CFAP299: variants seen among roughly 807,000 people sequenced by gnomAD.
CFAP299 encodes cilia- and flagella-associated protein 299.
In CFAP299, 21 loss-of-function variants were observed where a neutral mutation model predicts 27.0. The observed-to-expected ratio is 0.78, with a 90% CI of 0.55 to 1.12. CFAP299 has a LOEUF of 1.12. Among genes scored for constraint, CFAP299 ranks in the 50% most tolerant of loss-of-function variants. The pLI is 0.00. For missense variants in CFAP299, 310 were observed against 276.6 expected (o/e 1.12, Z -0.86); for synonymous variants, 104 against 98.1 (o/e 1.06, Z -0.36).
intron 3 of CFAP299, among the ~76,000 whole-genome samples, chr4:80,704,810 T>C (rs1721726552): frequency 6.6e-6 from 1 of 151,864 alleles, no homozygotes; most frequent in South Asian, 2.1e-4. Context: ...CAGACAATTC[T>C]AATGTTTTCT....
intron 3 of CFAP299, among the ~76,000 whole-genome samples, chr4:80,753,990 C>T (rs928583704): frequency 6.6e-6 from 1 of 152,104 alleles, no homozygotes; most frequent in Non-Finnish European, 1.5e-5. Context: ...ACTGTTATAT[C>T]TGAGTCTGCT....
chr4:80,771,667 G>T (rs752076823), intron 3 of CFAP299, among the ~76,000 whole-genome samples: 3 of 152,156 alleles, frequency 2.0e-5, no homozygotes, highest in Non-Finnish European at 4.4e-5. Flanking sequence ...GGGGACCCAT[G>T]CTCCTTCTAT....
intron 4 of CFAP299, among the ~76,000 whole-genome samples, chr4:80,931,662 C>T (rs1406665128): frequency 1.3e-5 from 2 of 151,980 alleles, no homozygotes; most frequent in Non-Finnish European, 2.9e-5. Context: ...CACAGGGAGG[C>T]TTTATTTCAA....
intron 3 of CFAP299, among the ~76,000 whole-genome samples, chr4:80,862,336 C>T (rs181613155): frequency 1.3e-5 from 2 of 152,138 alleles, no homozygotes; most frequent in Non-Finnish European, 2.9e-5. Context: ...TGCCACTGCA[C>T]TCCAGTCTGG....
At chr4:80,744,164 C>T (rs1310328937) in intron 3 of CFAP299, among the ~76,000 whole-genome samples, 3 of 152,108 alleles carry the variant, frequency 2.0e-5, no homozygotes, top group African/African-American at 2.4e-5. Flanking sequence ...GGTAGGAAAA[C>T]GCTATGGCAG....
upstream of CFAP299, among the ~76,000 whole-genome samples, chr4:80,335,230 C>G (rs1234837652): frequency 6.6e-6 from 1 of 152,142 alleles, no homozygotes; most frequent in Non-Finnish European, 1.5e-5. Flanking sequence ...GACTGAGTTT[C>G]TTTCCTTTGG....
At chr4:80,449,179 G>A (rs1040066299) in intron 2 of CFAP299, among the ~76,000 whole-genome samples, 1 of 152,080 alleles carries the variant, frequency 6.6e-6, no homozygotes, top group African/African-American at 2.4e-5. Context: ...GGCATGGAGA[G>A]TTTTTGCTCA....
chr4:80,925,241 T>C (rs1459183021), intron 4 of CFAP299, among the ~76,000 whole-genome samples: 3 of 151,990 alleles, frequency 2.0e-5, no homozygotes, highest in Non-Finnish European at 4.4e-5. Flanking sequence ...TCTTCTGTCT[T>C]TCCTGAACAA....
intron 2 of CFAP299, among the ~76,000 whole-genome samples, chr4:80,569,336 A>AT (rs1470458809): frequency 6.6e-6 from 1 of 152,116 alleles, no homozygotes; most frequent in Non-Finnish European, 1.5e-5. Context: ...ATAGTTGACC[A>AT]TTTATATTGG....
chr4:80,843,660 C>T (rs967625087), intron 3 of CFAP299, among the ~76,000 whole-genome samples: 217 of 152,242 alleles, frequency 1.4e-3, no homozygotes, highest in Non-Finnish European at 4.0e-4. Context: ...GCCACACTGT[C>T]TTCCACAATG....
At chr4:80,399,804 C>G (rs1726039796) in intron 2 of CFAP299, among the ~76,000 whole-genome samples, 1 of 152,006 alleles carries the variant, frequency 6.6e-6, no homozygotes, top group Non-Finnish European at 1.5e-5. Flanking sequence ...CAAACCTGCA[C>G]GTTGTGCACG....
At chr4:80,494,246 A>G (rs939378131) in intron 2 of CFAP299, among the ~76,000 whole-genome samples, 9 of 152,106 alleles carry the variant, frequency 5.9e-5, no homozygotes, top group Non-Finnish European at 8.8e-5. Context: ...TATTGGTTCT[A>G]CCTTCAAAAT....
intron 2 of CFAP299, among the ~76,000 whole-genome samples, chr4:80,581,453 G>GATAGATAT (rs1212459486): frequency 5.8e-5 from 6 of 103,018 alleles, no homozygotes; most frequent in African/African-American, 3.8e-4. Flanking sequence ...TATTAAGTGA[G>GATAGATAT]ATATATATAT....
intron 3 of CFAP299, among the ~76,000 whole-genome samples, chr4:80,584,071 G>T (rs1223256764): frequency 6.6e-6 from 1 of 151,894 alleles, no homozygotes; most frequent in African/African-American, 2.4e-5. Context: ...TAATAGAATA[G>T]AATTAACCCC....
chr4:80,814,938 T>C (rs1238487801), intron 3 of CFAP299, among the ~76,000 whole-genome samples: 5 of 151,998 alleles, frequency 3.3e-5, no homozygotes, highest in African/African-American at 1.2e-4. Context: ...CCAAAACACA[T>C]AGACACACAG....
chr4:80,517,699 A>AGCCAC lies in CFAP299; in HGVS notation c.243-65393_243-65389dup, dbSNP rs368544754. Among the ~76,000 whole-genome samples the AGCCAC allele has an allele frequency of 6.3e-3, 952 of 152,274 alleles. 11 individuals carry two copies. The highest frequency in any genetic ancestry group is 0.022 in the African/African-American group (901 of 41,548). On this transcript the variant is annotated intron_variant, in intron 2 of 5. Coordinates refer to ENST00000358105, the MANE Select transcript of CFAP299 (RefSeq NM_152770.3). ...CCATGAGTGAGCTGGTGATGTTGCAAGCCACAGATCTATAGTTAGGCACTG... is the reference window on the plus strand; with the variant it reads ...CCATGAGTGAGCTGGTGATGTTGCAAGCCACGCCACAGATCTATAGTTAGGCACTG...
At chr4:80,638,487 A>G (rs1739565576) in intron 3 of CFAP299, among the ~76,000 whole-genome samples, 1 of 152,188 alleles carries the variant, frequency 6.6e-6, no homozygotes, top group Non-Finnish European at 1.5e-5. Flanking sequence ...CCTTATTTCA[A>G]AGAAAAGGAA....
rs536230550 is a variant in CFAP299 at position 80,572,825 on chromosome 4, G to A, written c.243-10268G>A. On this transcript the variant is annotated intron_variant, in intron 2 of 5. Transcript: ENST00000358105. ...AGCCATCATGCCTGGCCCGATCTCA[G>A]CCTTTTTATTCCATATGTATATGTA... Among the ~76,000 whole-genome samples, 238 of 152,050 alleles carry A rather than the reference G, an allele frequency of 1.6e-3. 1 individual carries two copies. The highest frequency in any genetic ancestry group is 5.4e-3 in the African/African-American group (226 of 41,506).
Position 80,879,866 on chromosome 4 carries a change from G to C in CFAP299, c.476+9731G>C, listed in dbSNP as rs577330571. Among the ~76,000 whole-genome samples the C allele has an allele frequency of 1.5e-4, 23 of 152,246 alleles. 1 individual carries two copies. The highest frequency in any genetic ancestry group is 1.4e-3 in the Admixed American group (21 of 15,300). The stretch of plus-strand genomic sequence containing the variant: ...TTTCTTATATTCAAATAAATAAAGT[G>C]ATAAATGAGTCTAAGCATGAAAAGT... On this transcript the variant is annotated intron_variant, in intron 4 of 5. Coordinates refer to ENST00000358105, the MANE Select transcript of CFAP299 (RefSeq NM_152770.3).
Sources: gnomAD v4.1 joint callset for allele counts (sites outside exome capture counted in the v4.1 genomes callset) on GRCh38, gnomAD v4.1.1 for gene constraint, MANE v1.5 for transcripts, NCBI Gene and HGNC (gene_info 2026-07-23, HGNC 2026-07-21) for gene names.